The following TOM1L1 variants were observed in gnomAD, a reference collection of about 807,000 sequenced individuals.
TOM1L1 encodes the protein TOM1-like protein 1.
Under a neutral mutation model 63.4 loss-of-function variants are expected in TOM1L1, and 64 were observed. That is an observed-to-expected ratio of 1.01 (90% CI 0.83 to 1.24). The LOEUF (loss-of-function observed/expected upper bound fraction) is 1.24. Among genes scored for constraint, TOM1L1 ranks in the 50% most tolerant of loss-of-function variants. The probability of loss-of-function intolerance (pLI) is 0.00; values close to 1 mark genes in which losing one functional copy is unlikely to be tolerated. For missense variants in TOM1L1, 536 were observed against 567.0 expected (o/e 0.95, Z 0.55); for synonymous variants, 166 against 194.4 (o/e 0.85, Z 1.22).
intron 8 of TOM1L1, among the ~76,000 whole-genome samples, chr17:54,931,949 G>GTTTTTTTTTTTTTTTTTTT (rs10632110): frequency 5.8e-5 from 7 of 121,480 alleles, no homozygotes; most frequent in South Asian, 2.6e-4. Flanking sequence ...TTTTTTCTTC[G>GTTTTTTTTTTTTTTTTTTT]TTTTTTTTTT....
intron 3 of TOM1L1, chr17:54,906,880 T>C (rs75358646): frequency 0.022 from 19,649 of 905,180 alleles, 266 homozygotes; most frequent in South Asian, 0.023. Context: ...TGCACGCCTT[T>C]GTTTATCTCA....
At chr17:54,940,321 T>C (rs1248706280) in intron 11 of TOM1L1, among the ~76,000 whole-genome samples, 1 of 152,208 alleles carries the variant, frequency 6.6e-6, no homozygotes, top group African/African-American at 2.4e-5. Context: ...GTTTTCTACT[T>C]CTCAGGTTGG....
At chr17:54,930,829 G>A (rs1049927847) in intron 8 of TOM1L1, among the ~76,000 whole-genome samples, 12 of 151,986 alleles carry the variant, frequency 7.9e-5, no homozygotes, top group African/African-American at 2.9e-4. Context: ...GCAATAGAGT[G>A]AGACTCTGTC....
intron 11 of TOM1L1, among the ~76,000 whole-genome samples, chr17:54,944,235 GC>G (rs948177585): frequency 6.6e-6 from 1 of 151,340 alleles, no homozygotes; most frequent in African/African-American, 2.4e-5. Flanking sequence ...ATCACTTGAG[GC>G]CAGGAGTTTG....
intron 7 of TOM1L1, among the ~76,000 whole-genome samples, chr17:54,929,302 G>A (rs1460268959): frequency 6.6e-6 from 1 of 151,882 alleles, no homozygotes; most frequent in Non-Finnish European, 1.5e-5. Context: ...TTAAAAAAAT[G>A]TAGATTTTCA....
In TOM1L1 at chr17:54,913,775, G is replaced by C. The variant is rs199899001; in HGVS notation, c.400G>C (p.Val134Leu). Reference sequence around the variant, plus strand: ...TTGGTCACAGGGCTTCCCAGGAGGTGTGGATGTAAGCGAAGTCAAAGAAGT... The same window carrying C: ...TTGGTCACAGGGCTTCCCAGGAGGTCTGGATGTAAGCGAAGTCAAAGAAGT... ...KTWSQGFPGG[V>L]DVSEVKEVYL... The change falls in exon 5 of 16, where the codon GTG (valine) becomes CTG (leucine). Residue 134 changes from valine (V) to leucine (L), a missense_variant. Coordinates refer to ENST00000575882, the MANE Select transcript of TOM1L1 (RefSeq NM_005486.3). 7 of 1,611,032 alleles carry C rather than the reference G, an allele frequency of 4.3e-6. No homozygotes were observed. In the East Asian group the frequency reaches 1.6e-4, roughly 36 times the overall value.
chr17:54,959,585 A>C (rs1162238074), intron 14 of TOM1L1: 1 of 152,134 alleles, frequency 6.6e-6, no homozygotes, highest in East Asian at 1.9e-4. Flanking sequence ...TCTGGACTGT[A>C]ATCACATAGT....
rs371117920 is a variant in TOM1L1 at position 54,913,867 on chromosome 17, A to T, written c.492A>T (p.Arg164Ser). 2.5e-6 allele frequency: 4 copies of T among 1,607,122 alleles called. No homozygotes were observed. The highest frequency in any genetic ancestry group is 8.5e-7 in the Non-Finnish European group (1 of 1,175,718). The change falls in exon 5 of 16, where the codon AGA becomes AGT. Residue 164 changes from arginine (R) to serine (S), a missense_variant. By Grantham distance (110) the Arg-to-Ser change is moderately radical (BLOSUM62 -1). Coordinates refer to ENST00000575882, the MANE Select transcript of TOM1L1 (RefSeq NM_005486.3). Reference protein sequence around the residue: ...PPSEAEAETARQETAQISSNP... With the variant: ...PPSEAEAETASQETAQISSNP... ...CAGAAGCAGAGGCTGAAACAGCAAG[A>T]CAAGAGGTAGGAGGCCTTTCTTTGA...
intron 7 of TOM1L1, chr17:54,917,466 C>A (rs1378733437): frequency 6.6e-6 from 1 of 152,026 alleles, no homozygotes; most frequent in Admixed American, 6.6e-5. Flanking sequence ...GTACTTTAAA[C>A]ATATTTACTA....
intron 11 of TOM1L1, among the ~76,000 whole-genome samples, chr17:54,946,580 G>C (rs1398161366): frequency 6.6e-6 from 1 of 152,172 alleles, no homozygotes; most frequent in Non-Finnish European, 1.5e-5. Flanking sequence ...AGAAAACAGA[G>C]AGAAGAGGAC....
rs1192226373 is a variant in TOM1L1 at position 54,961,472 on chromosome 17, G to C, written c.*239G>C. On this transcript the variant is annotated 3_prime_UTR_variant, in exon 16 of 16. Coordinates refer to ENST00000575882, the MANE Select transcript of TOM1L1 (RefSeq NM_005486.3). ...GAACAAATACTCACTTAAAACTTCA[G>C]CAGAAGAAAAATTACTTAGTCCTTA... The C allele has an allele frequency of 4.1e-6, 6 of 1,447,918 alleles. No homozygotes were observed. In the African/African-American group the frequency reaches 8.6e-5, roughly 21 times the overall value. The allele number at this position is 1,447,918 out of a possible 1,614,324, so 89.7% of individuals were successfully genotyped here. A position where few individuals can be genotyped will look rare whatever the true frequency, so the allele number is the denominator to read the frequency against.
chr17:54,913,967 A>G, intron 5 of TOM1L1, 94 bp downstream of exon 5: 6 of 1,377,954 alleles, frequency 4.4e-6, no homozygotes, highest in Non-Finnish European at 5.8e-6. Context: ...CACCCAGCTT[A>G]AGCAAAAAGA....
rs1006070653 is a variant in TOM1L1, at chr17:54,930,078, C to G, written c.726C>G (p.Leu242=). Residue 242 remains leucine, a synonymous_variant, in exon 8 of 16, where the codon CTC becomes CTG. Coordinates refer to ENST00000575882, the MANE Select transcript of TOM1L1 (RefSeq NM_005486.3). ...CTCTCTCCTTTCTTTGACAGAAACTCTATAAAACAGGTCGGGAGATGCAGG... is the reference window on the plus strand; with the variant it reads ...CTCTCTCCTTTCTTTGACAGAAACTGTATAAAACAGGTCGGGAGATGCAGG... ...NHEDIELLQK[L]YKTGREMQER... is the part of the protein sequence containing the mutation. The G allele has an allele frequency of 6.2e-7, 1 of 1,614,014 alleles. No individual in the cohort carries two copies. Among genetic ancestry groups the G allele is most frequent in the Non-Finnish European group, 8.5e-7 (1 of 1,179,976 alleles).
At chr17:54,940,218 A>G (rs2049014180) in intron 11 of TOM1L1, among the ~76,000 whole-genome samples, 1 of 152,174 alleles carries the variant, frequency 6.6e-6, no homozygotes, top group Non-Finnish European at 1.5e-5. Context: ...TGATAGTCCA[A>G]TATTAAAAAG....
chr17:54,955,712 ACT>A (rs2049466683), intron 14 of TOM1L1, among the ~76,000 whole-genome samples: 1 of 152,030 alleles, frequency 6.6e-6, no homozygotes, highest in South Asian at 2.1e-4. Context: ...GAAAGAAGGA[ACT>A]TCTTTTTCTC....
At chr17:54,926,189 A>G (rs2048766470) in intron 7 of TOM1L1, among the ~76,000 whole-genome samples, 1 of 152,042 alleles carries the variant, frequency 6.6e-6, no homozygotes, top group Non-Finnish European at 1.5e-5. Context: ...TTTCCCCACC[A>G]CTGTGTTGCT....
At chr17:54,948,389 C>A (rs548602973) in intron 12 of TOM1L1, among the ~76,000 whole-genome samples, 1 of 152,134 alleles carries the variant, frequency 6.6e-6, no homozygotes, top group African/African-American at 2.4e-5. Flanking sequence ...CCGATCTGAC[C>A]GCACCCGTCA....
intron 14 of TOM1L1, chr17:54,959,254 T>C (rs1006351215): frequency 4.6e-5 from 7 of 152,206 alleles, no homozygotes; most frequent in African/African-American, 1.7e-4. Flanking sequence ...TTTGCTATAC[T>C]GTATATATGA....
At chr17:54,957,525 GGGAGAGACA>G (rs1466544290) in intron 14 of TOM1L1, 2 of 152,170 alleles carry the variant, frequency 1.3e-5, no homozygotes, top group East Asian at 3.9e-4. Flanking sequence ...TACTGGCGGT[GGGAGAGACA>G]GTAAAAAGCT....
Sources: gnomAD v4.1 joint callset for allele counts (sites outside exome capture counted in the v4.1 genomes callset) on GRCh38, gnomAD v4.1.1 for gene constraint, MANE v1.5 for transcripts, NCBI Gene and HGNC (gene_info 2026-07-23, HGNC 2026-07-21) for gene names.